ARHGEF4: variants seen among roughly 807,000 people sequenced by gnomAD.
ARHGEF4 encodes the protein Rho guanine nucleotide exchange factor 4, also known as APC-stimulated guanine nucleotide exchange factor 1.
ARHGEF4 carries 119 observed loss-of-function variants against 162.0 expected under a neutral mutation model. The observed-to-expected ratio is 0.73, with a 90% CI of 0.63 to 0.86. ARHGEF4 has a LOEUF of 0.86. Ranked by LOEUF, ARHGEF4 falls within the 40% of genes least tolerant of loss-of-function variation. The pLI is 0.00. For synonymous variants in ARHGEF4, 1,014 were observed against 979.9 expected (o/e 1.03, Z -0.65); for missense variants, 2,488 against 2,456.0 (o/e 1.01, Z -0.28).
intron 12 of ARHGEF4, among the ~76,000 whole-genome samples, chr2:131,045,165 CA>C (rs1330146106): frequency 6.6e-6 from 1 of 152,168 alleles, no homozygotes; most frequent in African/African-American, 2.4e-5. Context: ...CCAGGAGCCC[CA>C]GGACAGGACA....
At chr2:131,022,513 A>T (rs977060181) in intron 4 of ARHGEF4, among the ~76,000 whole-genome samples, 2 of 152,142 alleles carry the variant, frequency 1.3e-5, no homozygotes, top group Admixed American at 6.6e-5. Flanking sequence ...TACTTTGCTC[A>T]TCAAAACTTT....
intron 4 of ARHGEF4, among the ~76,000 whole-genome samples, chr2:130,963,395 G>A (rs1414972989): frequency 6.6e-6 from 1 of 151,908 alleles, no homozygotes; most frequent in Non-Finnish European, 1.5e-5. Flanking sequence ...GCCGAGCGGG[G>A]CCACCTGCTT....
At chr2:130,897,977 C>T (rs578190964) in intron 1 of ARHGEF4, among the ~76,000 whole-genome samples, 73 of 152,264 alleles carry the variant, frequency 4.8e-4, no homozygotes, top group African/African-American at 1.7e-3. Flanking sequence ...CAAAACAAAC[C>T]TTCATATAAC....
At chr2:130,940,857 AAAAG>A (rs1445001189) in intron 3 of ARHGEF4, among the ~76,000 whole-genome samples, 2 of 151,430 alleles carry the variant, frequency 1.3e-5, no homozygotes, top group Non-Finnish European at 2.9e-5. Context: ...AAGAAAAAAA[AAAAG>A]AAAATTCATG....
At position 130,987,673 on chromosome 2, in the gene ARHGEF4, G is replaced by A. The variant is rs372555989; in HGVS notation, c.3986-40272G>A. ...TAAGACAGGAAAGTTCCCCAAGTCC[G>A]CACTCGACCCAGGAAGTCCAGCTGG... On this transcript the variant is annotated intron_variant, in intron 4 of 13. Transcript: ENST00000409359. Among the ~76,000 whole-genome samples the A allele has an allele frequency of 4.7e-4, 71 of 152,252 alleles. 1 individual carries two copies. The highest frequency in any genetic ancestry group is 1.7e-3 in the African/African-American group (70 of 41,540).
chr2:130,915,165 G>A lies in ARHGEF4; in HGVS notation c.1219G>A (p.Gly407Ser). ...APHLQGPCKP[G>S]GFRLQRASQD... is the part of the protein sequence containing the mutation. ...CCATCTGCAGGGTCCCTGCAAGCCT[G>A]GTGGGTTTCGCTTGCAAAGGGCCTC... Residue 407 changes from glycine to serine, a missense_variant, in exon 2 of 14, where the codon GGT becomes AGT. Physicochemically the swap from Gly to Ser is moderately conservative, Grantham distance 56. Transcript: ENST00000409359. 6.4e-7 allele frequency: 1 copy of A among 1,550,610 alleles called. No individual in the cohort carries two copies. Among genetic ancestry groups the A allele is most frequent in the South Asian group, 1.2e-5 (1 of 84,062 alleles).
intron 1 of ARHGEF4, among the ~76,000 whole-genome samples, chr2:130,841,703 G>A (rs942098610): frequency 4.6e-5 from 7 of 152,184 alleles, no homozygotes; most frequent in African/African-American, 1.2e-4. Flanking sequence ...TGGTGCTTCC[G>A]GCTGGGGCAG....
chr2:130,915,678 T>C lies in ARHGEF4; in HGVS notation c.1732T>C (p.Tyr578His). 6.5e-7 allele frequency: 1 copy of C among 1,550,298 alleles called. No homozygotes were observed. Among genetic ancestry groups the C allele is most frequent in the Non-Finnish European group, 8.7e-7 (1 of 1,146,938 alleles). The change falls in exon 2 of 14, where the codon TAC becomes CAC. Residue 578 changes from tyrosine (Y) to histidine (H), a missense_variant. Tyr to His is a moderately conservative substitution (Grantham distance 83). Around this residue, in one of 6 missense-constraint regions of ARHGEF4, gnomAD observed 1,642 missense variants for 1,481.5 expected, o/e 1.11. Coordinates refer to ENST00000409359, the MANE Select transcript of ARHGEF4 (RefSeq NM_001367493.1). ...AEEAMVLDPN[Y>H]REQALQGLSE... ...AGAAGCCATGGTTCTAGACCCCAAC[T>C]ACAGGGAACAGGCTTTGCAAGGTCT...
chr2:131,015,586 C>T (rs59453922), intron 4 of ARHGEF4, among the ~76,000 whole-genome samples: 1 of 152,106 alleles, frequency 6.6e-6, no homozygotes, highest in African/African-American at 2.4e-5. Context: ...CAAAAATAAT[C>T]TTTTTAAAAA....
chr2:131,031,735 C>A (rs759357180), intron 5 of ARHGEF4, among the ~76,000 whole-genome samples: 2 of 152,222 alleles, frequency 1.3e-5, no homozygotes, highest in African/African-American at 2.4e-5. Context: ...CCAGCACTGG[C>A]CCCTCTAGGG....
chr2:130,869,200 C>G (rs760399174), intron 1 of ARHGEF4, among the ~76,000 whole-genome samples: 1 of 152,116 alleles, frequency 6.6e-6, no homozygotes, highest in African/African-American at 2.4e-5. Context: ...TGTCTGGCCA[C>G]AGAGAGAGTA....
intron 2 of ARHGEF4, among the ~76,000 whole-genome samples, chr2:130,926,810 A>ATTTTTTTT (rs55904944): frequency 0.18 from 8,675 of 48,884 alleles, 3,593 homozygotes; most frequent in Middle Eastern, 0.33. Flanking sequence ...CTTCTGGCTG[A>ATTTTTTTT]TTTTTTTTTT....
chr2:130,929,005 C>T (rs1052981950), intron 2 of ARHGEF4, among the ~76,000 whole-genome samples: 5 of 152,168 alleles, frequency 3.3e-5, no homozygotes, highest in Non-Finnish European at 7.3e-5. Flanking sequence ...ACCATTCCCT[C>T]AGGGCTCAGA....
intron 4 of ARHGEF4, among the ~76,000 whole-genome samples, chr2:130,993,423 A>G (rs1177660108): frequency 1.3e-5 from 2 of 152,080 alleles, no homozygotes; most frequent in African/African-American, 4.8e-5. Context: ...TTAGTGTTTC[A>G]TATGTACTTA....
chr2:130,893,231 C>T (rs1003445947), intron 1 of ARHGEF4, among the ~76,000 whole-genome samples: 6 of 152,290 alleles, frequency 3.9e-5, no homozygotes, highest in Non-Finnish European at 5.9e-5. Context: ...TTCAGTTCCC[C>T]GCCTCCCTGT....
At chr2:130,976,223 G>GAA (rs1558794363) in intron 4 of ARHGEF4, among the ~76,000 whole-genome samples, 1 of 152,146 alleles carries the variant, frequency 6.6e-6, no homozygotes, top group Non-Finnish European at 1.5e-5. Context: ...GGATAAGAGG[G>GAA]AAAAGGGATC....
intron 4 of ARHGEF4, among the ~76,000 whole-genome samples, chr2:130,985,765 T>A (rs764937545): frequency 3.9e-4 from 60 of 152,118 alleles, no homozygotes; most frequent in Non-Finnish European, 6.6e-4. Context: ...GTTGTGTGTG[T>A]TTTGCATGCA....
At chr2:130,838,916 G>T (rs1345183579) in intron 1 of ARHGEF4, among the ~76,000 whole-genome samples, 1 of 152,180 alleles carries the variant, frequency 6.6e-6, no homozygotes, top group Admixed American at 6.5e-5. Context: ...TGCCTGGGAG[G>T]CTCCTGGGAT....
chr2:130,883,896 C>A (rs1351076933), intron 1 of ARHGEF4, among the ~76,000 whole-genome samples: 1 of 152,124 alleles, frequency 6.6e-6, no homozygotes, highest in Non-Finnish European at 1.5e-5. Context: ...GCCTCCTCAT[C>A]TATAAAATAT....
Sources: gnomAD v4.1 joint callset for allele counts (sites outside exome capture counted in the v4.1 genomes callset) on GRCh38, gnomAD v4.1.1 for gene constraint, gnomAD v4.1.1 regional missense constraint, MANE v1.5 for transcripts, NCBI Gene and HGNC (gene_info 2026-07-23, HGNC 2026-07-21) for gene names.